PIWIL3: variants seen among roughly 807,000 people sequenced by gnomAD.
The protein encoded by PIWIL3 is piwi like RNA-mediated gene silencing 3.
A neutral mutation model predicts 109.7 loss-of-function variants in PIWIL3; 101 were observed. The observed-to-expected ratio is 0.92, with a 90% CI of 0.78 to 1.09. The LOEUF (loss-of-function observed/expected upper bound fraction) is 1.09, where lower values mean the gene tolerates loss of function less well. PIWIL3 is among the 50% of genes least tolerant of loss of function. PIWIL3 has a pLI of 0.00. For missense variants in PIWIL3, 1,031 were observed against 1,072.6 expected (o/e 0.96, Z 0.54); for synonymous variants, 373 against 376.4 (o/e 0.99, Z 0.10).
intron 12 of PIWIL3, among the ~76,000 whole-genome samples, chr22:24,738,181 G>A (rs993070981): frequency 2.0e-5 from 3 of 152,088 alleles, no homozygotes; most frequent in African/African-American, 7.2e-5. Context: ...AGAAGGAAGG[G>A]AAGAGTGAGA....
chr22:24,773,419 G>A (rs909673440), intron 1 of PIWIL3, among the ~76,000 whole-genome samples: 3 of 152,150 alleles, frequency 2.0e-5, no homozygotes, highest in Non-Finnish European at 4.4e-5. Context: ...AGCTGTGAGG[G>A]TTAAATGGGA....
rs1926318463 is a variant in PIWIL3, at chr22:24,774,607, ACC to A, written c.-310_-309del. ...TAGATCATGAGGTCAGGAGATGGAG[ACC>A]ATCCTGGCTAACACAGTGAAACCCT... On this transcript the variant is annotated 5_prime_UTR_variant, in exon 1 of 21. It removes an upstream start codon present in the reference 5' UTR. Transcript: ENST00000616349. 1 of 152,066 alleles carries A rather than the reference ACC, an allele frequency of 6.6e-6. No individual in the cohort carries two copies. The highest frequency in any genetic ancestry group is 1.5e-5 in the Non-Finnish European group (1 of 68,134). 9.4% of individuals were successfully genotyped at this position (152,066 alleles called of 1,614,324 possible).
intron 14 of PIWIL3, among the ~76,000 whole-genome samples, chr22:24,729,348 A>G (rs1923195120): frequency 6.6e-6 from 1 of 152,148 alleles, no homozygotes; most frequent in African/African-American, 2.4e-5. Context: ...AACACCGCAG[A>G]CGACGAGACG....
chr22:24,736,044 T>C (rs1923639863), intron 12 of PIWIL3, 152 bp from the exon 13 acceptor site: 2 of 640,986 alleles, frequency 3.1e-6, no homozygotes, highest in Non-Finnish European at 5.0e-6. Context: ...CATTAAGATA[T>C]AGGTTAATAG....
intron 2 of PIWIL3, chr22:24,762,196 G>T: frequency 9.9e-7 from 1 of 1,005,734 alleles, no homozygotes; most frequent in Non-Finnish European, 1.3e-6. Context: ...GTGAAAATGT[G>T]AGAAGGAAGC....
At chr22:24,756,140 G>A (rs930577759) in intron 5 of PIWIL3, among the ~76,000 whole-genome samples, 1 of 152,050 alleles carries the variant, frequency 6.6e-6, no homozygotes, top group African/African-American at 2.4e-5. Flanking sequence ...TAATTGTTCA[G>A]TTAATATAAA....
At chr22:24,728,573 T>C (rs1212223733) in intron 14 of PIWIL3, among the ~76,000 whole-genome samples, 199 bp from the exon 15 acceptor site, 2 of 152,156 alleles carry the variant, frequency 1.3e-5, no homozygotes, top group Non-Finnish European at 2.9e-5. Context: ...TTATATGTAT[T>C]TATTAGAAAA....
At chr22:24,734,467 C>G (rs1189168553) in intron 13 of PIWIL3, among the ~76,000 whole-genome samples, 1 of 152,124 alleles carries the variant, frequency 6.6e-6, no homozygotes, top group Non-Finnish European at 1.5e-5. Context: ...ATTGAAGAGA[C>G]AAATAAGCAA....
In PIWIL3 at chr22:24,757,958, A is replaced by T. The variant is rs1358597203; in HGVS notation, c.305T>A (p.Leu102Gln). 1 of 1,614,028 alleles carries T rather than the reference A, an allele frequency of 6.2e-7. No individual in the cohort carries two copies. Among genetic ancestry groups the T allele is most frequent in the Non-Finnish European group, 8.5e-7 (1 of 1,179,986 alleles). Residue 102 changes from leucine (L) to glutamine (Q), a missense_variant, in exon 4 of 21, where the codon CTG becomes CAG. Leu to Gln is a moderately radical substitution (Grantham distance 113). Coordinates refer to ENST00000616349, the MANE Select transcript of PIWIL3 (RefSeq NM_001255975.1). Reference sequence around the variant, plus strand: ...CATATCTTGCCTGGTGTTCACCACCAGGTCTTGAAAAACTCCACCAATCCT... The same window carrying T: ...CATATCTTGCCTGGTGTTCACCACCTGGTCTTGAAAAACTCCACCAATCCT... ...ERRIGGVFQD[L>Q]VVNTRQDMKH...
chr22:24,724,991 A>G lies in PIWIL3; in HGVS notation c.2127T>C (p.Ser709=). Residue 709 remains serine, a synonymous_variant, in exon 18 of 21, where the codon TCT becomes TCC. Transcript: ENST00000616349. ...CCACTCCATCCCGATACACAATAAC[A>G]GAATGTGGCATCGATGATTCGTTTT... ...WCKNESSMPH[S]VIVYRDGVGD... The G allele has an allele frequency of 1.2e-6, 2 of 1,614,192 alleles. No homozygotes were observed. The highest frequency in any genetic ancestry group is 1.7e-6 in the Non-Finnish European group (2 of 1,180,014).
chr22:24,770,748 T>C (rs28722112), intron 1 of PIWIL3, among the ~76,000 whole-genome samples: 2,145 of 150,948 alleles, frequency 0.014, 38 homozygotes, highest in African/African-American at 0.049. Flanking sequence ...GGCAGGAGAA[T>C]TGCTTGAACC....
intron 3 of PIWIL3, among the ~76,000 whole-genome samples, chr22:24,758,965 C>T (rs908305974): frequency 4.6e-5 from 7 of 152,242 alleles, no homozygotes; most frequent in African/African-American, 1.4e-4. Context: ...ACTGTCTCAG[C>T]TCACTGGAAC....
chr22:24,748,328 C>CA (rs1297705339), intron 12 of PIWIL3, among the ~76,000 whole-genome samples: 1 of 151,866 alleles, frequency 6.6e-6, no homozygotes, highest in Non-Finnish European at 1.5e-5. Flanking sequence ...TTAATGGGTA[C>CA]AAAAAATAGA....
In PIWIL3 at chr22:24,756,508, G is replaced by A. The variant is rs140231241; in HGVS notation, c.553C>T (p.Arg185Trp). 1.5e-4 allele frequency: 236 copies of A among 1,613,586 alleles called. No individual in the cohort carries two copies. In the African/African-American group the frequency reaches 2.2e-3, roughly 15 times the overall value. ...TACTTAACCCGCTCTTTTAGTGGCC[G>A]AGATAATAATAAAGAGTTTCCATCA... Reference protein sequence around the residue: ...IFDGNSLLLSRPLKERRVEWL... With the variant: ...IFDGNSLLLSWPLKERRVEWL... Residue 185 changes from arginine (R) to tryptophan (W), a missense_variant, in exon 5 of 21, where the codon CGG (arginine) becomes TGG (tryptophan). By Grantham distance (101) the Arg-to-Trp change is moderately radical. Coordinates refer to ENST00000616349, the MANE Select transcript of PIWIL3 (RefSeq NM_001255975.1).
At chr22:24,757,615 T>TACATACACACACACACACACAC (rs1555913039) in intron 4 of PIWIL3, among the ~76,000 whole-genome samples, 1 of 79,486 alleles carries the variant, frequency 1.3e-5, no homozygotes, top group Non-Finnish European at 2.6e-5. Flanking sequence ...AAAATTTACA[T>TACATACACACACACACACACAC]ACACACACAC....
At chr22:24,744,211 T>C (rs1309866197) in intron 12 of PIWIL3, among the ~76,000 whole-genome samples, 1 of 37,462 alleles carries the variant, frequency 2.7e-5, no homozygotes, top group Non-Finnish European at 5.9e-5. Flanking sequence ...AAAAAAACAA[T>C]GATCTGCTGC....
intron 19 of PIWIL3, among the ~76,000 whole-genome samples, chr22:24,722,111 C>T (rs1288173541): frequency 1.3e-5 from 2 of 152,242 alleles, no homozygotes; most frequent in East Asian, 3.9e-4. Flanking sequence ...GAGAAGGAGT[C>T]TCACTCTGTC....
chr22:24,744,186 A>AAAAAAAAAAAC, intron 12 of PIWIL3, among the ~76,000 whole-genome samples: 1 of 145,186 alleles, frequency 6.9e-6, no homozygotes. Context: ...ATTAAAAAAA[A>AAAAAAAAAAAC]AAAAAAAAAA....
rs757555555 is a variant in PIWIL3 at position 24,757,949 on chromosome 22, T to C, written c.314A>G (p.Asn105Ser). Residue 105 changes from asparagine (N) to serine (S), a missense_variant, in exon 4 of 21, where the codon AAC becomes AGC. Coordinates refer to ENST00000616349, the MANE Select transcript of PIWIL3 (RefSeq NM_001255975.1). ...IGGVFQDLVV[N>S]TRQDMKHVKD... ...AACATGCTTCATATCTTGCCTGGTG[T>C]TCACCACCAGGTCTTGAAAAACTCC... 4 of 1,613,732 alleles carry C rather than the reference T, an allele frequency of 2.5e-6. No individual in the cohort carries two copies.
Sources: gnomAD v4.1 joint callset for allele counts (sites outside exome capture counted in the v4.1 genomes callset) on GRCh38, gnomAD v4.1.1 for gene constraint, MANE v1.5 for transcripts, NCBI Gene and HGNC (gene_info 2026-07-23, HGNC 2026-07-21) for gene names.